Variants in LRRC1 observed in about 807,000 individuals in gnomAD.
The protein encoded by LRRC1 is leucine-rich repeat-containing protein 1.
LRRC1 carries 28 observed loss-of-function variants against 69.9 expected under a neutral mutation model. The observed-to-expected ratio is 0.40, with a 90% CI of 0.30 to 0.55. LRRC1 has a LOEUF of 0.55. Ranked by LOEUF, LRRC1 falls within the 20% of genes least tolerant of loss-of-function variation. The probability of loss-of-function intolerance (pLI) is 0.47; values close to 1 mark genes in which losing one functional copy is unlikely to be tolerated. For synonymous variants in LRRC1, 236 were observed against 240.2 expected, an observed-to-expected ratio of 0.98 and a Z score of 0.16; for missense variants, 498 against 609.0, an observed-to-expected ratio of 0.82 and a Z score of 1.92.
intron 8 of LRRC1, among the ~76,000 whole-genome samples, chr6:53,901,835 T>G (rs1442930195): frequency 6.6e-6 from 1 of 152,260 alleles, no homozygotes; most frequent in Admixed American, 6.5e-5. Context: ...TCTCCTATCT[T>G]GCCCTGTGGC....
At chr6:53,857,415 A>T (rs1401556889) in intron 2 of LRRC1, among the ~76,000 whole-genome samples, 2 of 152,198 alleles carry the variant, frequency 1.3e-5, no homozygotes, top group Admixed American at 1.3e-4. Context: ...GACTGATTGC[A>T]TGGGCTGGAG....
intron 8 of LRRC1, among the ~76,000 whole-genome samples, chr6:53,901,191 C>A (rs1768046446): frequency 6.6e-6 from 1 of 152,058 alleles, no homozygotes; most frequent in Non-Finnish European, 1.5e-5. Context: ...GGACTGTCTT[C>A]CAAAGAAAGA....
chr6:53,909,162 A>G (rs1406029454), intron 10 of LRRC1, among the ~76,000 whole-genome samples: 1 of 152,214 alleles, frequency 6.6e-6, no homozygotes, highest in African/African-American at 2.4e-5. Flanking sequence ...GGCAGCTAAC[A>G]TGTGCCAGGC....
chr6:53,836,769 A>G (rs1456750626), intron 1 of LRRC1, among the ~76,000 whole-genome samples: 1 of 152,168 alleles, frequency 6.6e-6, no homozygotes, highest in Non-Finnish European at 1.5e-5. Flanking sequence ...CATTACCATG[A>G]CTCCAAAAAC....
At chr6:53,883,192 T>G (rs146306996) in intron 4 of LRRC1, among the ~76,000 whole-genome samples, 149 of 152,324 alleles carry the variant, frequency 9.8e-4, no homozygotes, top group Non-Finnish European at 1.8e-3. Context: ...CTGCTACTTG[T>G]TACTAGTAAA....
At chr6:53,896,919 T>C (rs751270146) in intron 6 of LRRC1, 27 bp downstream of exon 6, 15 of 1,434,256 alleles carry the variant, frequency 1.0e-5, no homozygotes, top group Non-Finnish European at 9.8e-7. Flanking sequence ...GATTTGAATT[T>C]AACTTTGTTT....
chr6:53,919,606 C>T lies in LRRC1; in HGVS notation c.1215C>T (p.Thr405=), dbSNP rs771325521. The T allele has an allele frequency of 1.4e-5, 22 of 1,613,922 alleles. No individual in the cohort carries two copies. The highest frequency in any genetic ancestry group is 1.8e-5 in the Non-Finnish European group (21 of 1,179,934). The change falls in exon 12 of 14, where the codon ACC becomes ACT. Residue 405 remains threonine (T), a synonymous_variant. Coordinates refer to ENST00000370888, the MANE Select transcript of LRRC1 (RefSeq NM_018214.5). ...LLTFQTDTDY[T]TGEKILTCVL... ...CATTCCAGACAGACACAGACTACAC[C>T]ACAGGAGAGAAGATTTTAACCTGTG...
In LRRC1 at chr6:53,795,168, A is replaced by G; in HGVS notation, c.-89A>G. 2.5e-6 allele frequency: 3 copies of G among 1,178,232 alleles called. No homozygotes were observed. The Admixed American group carries it at 8.2e-5, about 32-fold the overall frequency. 73.0% of individuals were successfully genotyped at this position (1,178,232 alleles called of 1,614,324 possible). On this transcript the variant is annotated 5_prime_UTR_variant, in exon 1 of 14. Transcript: ENST00000370888. ...AGCCAACAACGAGCGCGGAGAGGGC[A>G]GCGGACTGAGCGGAGCCGCCGGCCA... is the stretch of plus-strand genomic sequence containing the variant.
intron 2 of LRRC1, among the ~76,000 whole-genome samples, chr6:53,847,212 T>C (rs1472824682): frequency 6.6e-6 from 1 of 152,256 alleles, no homozygotes; most frequent in Non-Finnish European, 1.5e-5. Flanking sequence ...CATTTATCTT[T>C]TGTATCTCGT....
chr6:53,848,757 T>C (rs1766028098), intron 2 of LRRC1, among the ~76,000 whole-genome samples: 1 of 127,840 alleles, frequency 7.8e-6, no homozygotes, highest in Non-Finnish European at 1.7e-5. Flanking sequence ...TTTTTTTCTT[T>C]TACTCTTTTT....
At position 53,923,939 on chromosome 6, in the gene LRRC1, T is replaced by G. The variant is rs557727389; in HGVS notation, c.*1146T>G. On this transcript the variant is annotated 3_prime_UTR_variant, in exon 14 of 14. Transcript: ENST00000370888. ...AATCAAAGTATCACAAAATACTGCT[T>G]CAAGATTTAATTTTAAATCTGCTAA... is the stretch of plus-strand genomic sequence containing the variant. The G allele has an allele frequency of 1.3e-5, 2 of 152,798 alleles. No homozygotes were observed. The highest frequency in any genetic ancestry group is 6.5e-5 in the Admixed American group (1 of 15,300). 9.5% of individuals were successfully genotyped at this position (152,798 alleles called of 1,614,324 possible). A position where few individuals can be genotyped will look rare whatever the true frequency, so the allele number is the denominator to read the frequency against.
At chr6:53,867,812 G>T (rs1276055556) in intron 2 of LRRC1, among the ~76,000 whole-genome samples, 1 of 151,860 alleles carries the variant, frequency 6.6e-6, no homozygotes, top group Non-Finnish European at 1.5e-5. Flanking sequence ...AAAATTAGCT[G>T]GGCGTGGTGG....
At chr6:53,922,350 G>T (rs1003618982) in intron 13 of LRRC1, among the ~76,000 whole-genome samples, 1 of 151,892 alleles carries the variant, frequency 6.6e-6, no homozygotes, top group Non-Finnish European at 1.5e-5. Context: ...GCTGTTTATG[G>T]AGCCTTTTTA....
chr6:53,832,886 CA>C (rs1765469864), intron 1 of LRRC1, among the ~76,000 whole-genome samples: 1 of 152,088 alleles, frequency 6.6e-6, no homozygotes, highest in South Asian at 2.1e-4. Flanking sequence ...TACATATATA[CA>C]ATTTTACATT....
At chr6:53,851,489 G>A (rs1366088122) in intron 2 of LRRC1, among the ~76,000 whole-genome samples, 2 of 151,970 alleles carry the variant, frequency 1.3e-5, no homozygotes, top group Admixed American at 6.6e-5. Context: ...TCCTTCCATC[G>A]TCTGTTCCAT....
Position 53,807,747 on chromosome 6 carries a change from TCAACAACAA to T in LRRC1, c.159+12359_159+12367del, listed in dbSNP as rs60487267. ...GCAACAAGAGTGAAACTCCGTGTCG[TCAACAACAA>T]CAACAACAACAACAACAACAACAAC... On this transcript the variant is annotated intron_variant, in intron 1 of 13. Transcript: ENST00000370888. 1.6e-3 allele frequency among the ~76,000 whole-genome samples: 241 copies of T among 150,142 alleles called. 1 individual carries two copies. The highest frequency in any genetic ancestry group is 4.6e-3 in the African/African-American group (188 of 40,982).
intron 2 of LRRC1, among the ~76,000 whole-genome samples, chr6:53,871,059 T>C (rs1766867312): frequency 6.6e-6 from 1 of 152,220 alleles, no homozygotes; most frequent in African/African-American, 2.4e-5. Flanking sequence ...TTAGGTTGAT[T>C]CCGTGTCTTG....
At position 53,920,642 on chromosome 6, in the gene LRRC1, G is replaced by A. The variant is rs1768710366; in HGVS notation, c.1297G>A (p.Gly433Ser). The A allele has an allele frequency of 6.2e-7, 1 of 1,614,118 alleles. No individual in the cohort carries two copies. Among genetic ancestry groups the A allele is most frequent in the Non-Finnish European group, 8.5e-7 (1 of 1,180,008 alleles). The stretch of plus-strand genomic sequence containing the variant: ...CACTGCAGAGAATCTGCCTCGCTGT[G>A]GTGCACTGGAGAACTTGGTAAATGA... ...PTCQENLPRC[G>S]ALENLVNDVS... The change falls in exon 13 of 14, where the codon GGT becomes AGT. Residue 433 changes from glycine to serine, a missense_variant. By Grantham distance (56) the Gly-to-Ser change is moderately conservative. Transcript: ENST00000370888.
intron 12 of LRRC1, among the ~76,000 whole-genome samples, chr6:53,920,391 T>C (rs62397109): frequency 0.023 from 3,546 of 152,330 alleles, 61 homozygotes; most frequent in Non-Finnish European, 0.031. Context: ...TCAAATAGAA[T>C]TATACATCAT....
Sources: gnomAD v4.1 joint callset for allele counts (sites outside exome capture counted in the v4.1 genomes callset) on GRCh38, gnomAD v4.1.1 for gene constraint, MANE v1.5 for transcripts, NCBI Gene and HGNC (gene_info 2026-07-23, HGNC 2026-07-21) for gene names.